Variants in CABCOCO1 observed in about 807,000 individuals in gnomAD.
The protein encoded by CABCOCO1 is ciliary associated calcium binding coiled-coil 1.
A neutral mutation model predicts 35.7 loss-of-function variants in CABCOCO1; 28 were observed. That is an observed-to-expected ratio of 0.78 (90% CI 0.58 to 1.07). The LOEUF (loss-of-function observed/expected upper bound fraction) is 1.07. Ranked by LOEUF, CABCOCO1 falls within the 50% of genes least tolerant of loss-of-function variation. The probability of loss-of-function intolerance (pLI) is 0.00; values close to 1 mark genes in which losing one functional copy is unlikely to be tolerated. For missense variants in CABCOCO1, 326 were observed against 309.2 expected (o/e 1.05, Z -0.41); for synonymous variants, 95 against 100.1 (o/e 0.95, Z 0.30).
chr10:61,753,657 TG>T (rs1841839637), intron 5 of CABCOCO1, among the ~76,000 whole-genome samples: 3 of 152,130 alleles, frequency 2.0e-5, no homozygotes, highest in Admixed American at 6.5e-5. Context: ...ATAAATTGGG[TG>T]GGGGAAGGGG....
At chr10:61,765,853 G>A in intron 7 of CABCOCO1, 86 bp from the exon 8 acceptor site, 1 of 1,224,770 alleles carries the variant, frequency 8.2e-7, no homozygotes, top group East Asian at 2.3e-5. Flanking sequence ...CTGTCTTTAG[G>A]CACTATAGTA....
rs59309805 is a variant in CABCOCO1, at chr10:61,738,185, C to G, written c.553-21874C>G. Reference sequence around the variant, plus strand: ...TGCACAACCAGTGGCTGAAAACCAGCAAATTAAATTTTGCTGCAACTGTGT... The same window carrying G: ...TGCACAACCAGTGGCTGAAAACCAGGAAATTAAATTTTGCTGCAACTGTGT... On this transcript the variant is annotated intron_variant, in intron 5 of 7. Transcript: ENST00000648843. Among the ~76,000 whole-genome samples the G allele has an allele frequency of 5.6e-3, 857 of 152,132 alleles. 11 individuals are homozygous for G. The highest frequency in any genetic ancestry group is 0.019 in the African/African-American group (772 of 41,510).
intron 5 of CABCOCO1, among the ~76,000 whole-genome samples, chr10:61,742,833 C>T (rs1309463499): frequency 6.6e-6 from 1 of 152,092 alleles, no homozygotes; most frequent in East Asian, 1.9e-4. Context: ...AGCATAAGAA[C>T]ATATCTTAAA....
Position 61,666,357 on chromosome 10 carries a change from A to G in CABCOCO1, c.60+3325A>G, listed in dbSNP as rs371682514. On this transcript the variant is annotated intron_variant, in intron 1 of 7. Transcript: ENST00000648843. ...AGTGAACACATTGTAATCACATAGT[A>G]CAGATCAACCTATGCAGGCTATGGG... Among the ~76,000 whole-genome samples, 9 of 152,370 alleles carry G rather than the reference A, an allele frequency of 5.9e-5. No individual in the cohort carries two copies. The East Asian group carries it at 1.5e-3, about 26-fold the overall frequency.
intron 5 of CABCOCO1, among the ~76,000 whole-genome samples, chr10:61,699,109 T>C (rs1840371761): frequency 6.6e-6 from 1 of 152,112 alleles, no homozygotes; most frequent in African/African-American, 2.4e-5. Flanking sequence ...CCTACTCACA[T>C]TGGGTGTTGC....
chr10:61,666,970 A>G (rs1564527334), intron 1 of CABCOCO1, among the ~76,000 whole-genome samples: 1 of 141,332 alleles, frequency 7.1e-6, no homozygotes, highest in Admixed American at 7.5e-5. Flanking sequence ...ATAATTATAT[A>G]TTATATATAA....
intron 5 of CABCOCO1, among the ~76,000 whole-genome samples, chr10:61,726,379 T>C (rs1938704633): frequency 6.6e-6 from 1 of 152,086 alleles, no homozygotes; most frequent in African/African-American, 2.4e-5. Flanking sequence ...TGTATCATAC[T>C]ATCTTATTTA....
At chr10:61,686,009 A>C (rs367951018) in intron 3 of CABCOCO1, 32 bp from the exon 4 acceptor site, 3 of 1,556,964 alleles carry the variant, frequency 1.9e-6, no homozygotes, top group Non-Finnish European at 2.6e-6. Context: ...CTATCAAAAT[A>C]ATAATTAAGA....
At chr10:61,711,735 T>C (rs1840737091) in intron 5 of CABCOCO1, among the ~76,000 whole-genome samples, 1 of 152,016 alleles carries the variant, frequency 6.6e-6, no homozygotes, top group Admixed American at 6.6e-5. Context: ...TCTAAATTAA[T>C]TTCAAAAGAT....
rs1016054175 is a variant in CABCOCO1 at position 61,686,102 on chromosome 10, A to G, written c.396A>G (p.Gly132=). The G allele has an allele frequency of 1.2e-6, 2 of 1,609,238 alleles. No individual in the cohort carries two copies. Among genetic ancestry groups the G allele is most frequent in the African/African-American group, 1.3e-5 (1 of 74,664 alleles). The part of the protein sequence containing the change: ...KWLGEVMAEI[G]PTHSQKSEDW... ...TTGGAGAAGTTATGGCTGAAATAGG[A>G]CCAACACATTCGCAAAAGAGTGAGG... Residue 132 remains glycine (G), a synonymous_variant, in exon 4 of 8, where the codon GGA becomes GGG. Transcript: ENST00000648843.
intron 5 of CABCOCO1, among the ~76,000 whole-genome samples, chr10:61,736,697 T>C (rs759359689): frequency 6.6e-6 from 1 of 152,216 alleles, no homozygotes; most frequent in Non-Finnish European, 1.5e-5. Flanking sequence ...GGTAGTTTGA[T>C]AGGAATAGAA....
At chr10:61,712,774 T>C (rs1295716956) in intron 5 of CABCOCO1, among the ~76,000 whole-genome samples, 1 of 152,238 alleles carries the variant, frequency 6.6e-6, no homozygotes, top group Non-Finnish European at 1.5e-5. Context: ...CCTTTCCCCA[T>C]TTCTTGTTTT....
intron 5 of CABCOCO1, among the ~76,000 whole-genome samples, chr10:61,745,929 G>A (rs1349365413): frequency 6.6e-6 from 1 of 152,176 alleles, no homozygotes; most frequent in Non-Finnish European, 1.5e-5. Context: ...TAAAAACCAA[G>A]ATGGATTTGA....
At chr10:61,765,122 A>T (rs1046109265) in intron 7 of CABCOCO1, among the ~76,000 whole-genome samples, 3 of 152,188 alleles carry the variant, frequency 2.0e-5, no homozygotes, top group Non-Finnish European at 4.4e-5. Flanking sequence ...GCTACTCCTT[A>T]TACAGCGGTA....
intron 5 of CABCOCO1, among the ~76,000 whole-genome samples, chr10:61,710,188 T>C (rs1385374788): frequency 6.6e-6 from 1 of 151,894 alleles, no homozygotes; most frequent in Admixed American, 6.6e-5. Context: ...TGCCACAGAT[T>C]CTCATTTCCA....
chr10:61,751,678 C>G (rs556695564), intron 5 of CABCOCO1, among the ~76,000 whole-genome samples: 1 of 152,142 alleles, frequency 6.6e-6, no homozygotes, highest in South Asian at 2.1e-4. Context: ...CACAGGCAAG[C>G]AACTTTGAGT....
intron 5 of CABCOCO1, among the ~76,000 whole-genome samples, chr10:61,719,964 C>G (rs1386100584): frequency 6.9e-6 from 1 of 144,342 alleles, no homozygotes; most frequent in African/African-American, 2.6e-5. Context: ...TAAAATCACA[C>G]AAAAACTGTG....
At chr10:61,673,662 C>T (rs1294271518) in intron 2 of CABCOCO1, among the ~76,000 whole-genome samples, 1 of 152,188 alleles carries the variant, frequency 6.6e-6, no homozygotes, top group Non-Finnish European at 1.5e-5. Flanking sequence ...GAAGGTTTAT[C>T]AAGAACAGGT....
At chr10:61,744,292 A>G (rs937440422) in intron 5 of CABCOCO1, among the ~76,000 whole-genome samples, 2 of 152,192 alleles carry the variant, frequency 1.3e-5, no homozygotes, top group Non-Finnish European at 2.9e-5. Context: ...TTTCCAAAGT[A>G]TAACATTATT....
Sources: allele counts gnomAD v4.1 joint callset (sites outside exome capture counted in the v4.1 genomes callset), GRCh38; gene constraint gnomAD v4.1.1; transcripts MANE v1.5; gene names NCBI Gene and HGNC (gene_info 2026-07-23, HGNC 2026-07-21).